Variants in VAPB observed in about 807,000 individuals in gnomAD.
VAPB encodes the protein vesicle-associated membrane protein-associated protein B/C.
A neutral mutation model predicts 25.6 loss-of-function variants in VAPB; 7 were observed. The ratio of observed to expected loss-of-function variants is 0.27; its 90% CI spans 0.16 to 0.51. VAPB has a LOEUF of 0.51. Ranked by LOEUF, VAPB falls within the 20% of genes least tolerant of loss-of-function variation. The pLI is 0.97. For missense variants in VAPB, 266 were observed against 301.3 expected, an observed-to-expected ratio of 0.88 and a Z score of 0.87; for synonymous variants, 112 against 109.2, an observed-to-expected ratio of 1.03 and a Z score of -0.16.
chr20:58,424,350 A>G (rs1177408843), intron 2 of VAPB, among the ~76,000 whole-genome samples: 2 of 152,062 alleles, frequency 1.3e-5, no homozygotes, highest in African/African-American at 4.8e-5. Flanking sequence ...AAAGCGGCCC[A>G]TGTGACAGTG....
At chr20:58,418,393 T>C (rs1568709340) in intron 2 of VAPB, 30 bp downstream of exon 2, 3 of 1,612,624 alleles carry the variant, frequency 1.9e-6, no homozygotes, top group Non-Finnish European at 2.5e-6. Flanking sequence ...GCCTAGAGGG[T>C]GGGCTCAGAA....
chr20:58,393,143 C>G (rs1458465345), intron 1 of VAPB, among the ~76,000 whole-genome samples: 2 of 152,166 alleles, frequency 1.3e-5, no homozygotes, highest in Non-Finnish European at 2.9e-5. Flanking sequence ...AAGAGATCCT[C>G]CTGCTTTAGG....
intron 1 of VAPB, among the ~76,000 whole-genome samples, chr20:58,405,785 CTG>C (rs1988215139): frequency 9.1e-6 from 1 of 109,754 alleles, no homozygotes; most frequent in Non-Finnish European, 1.7e-5. Flanking sequence ...GAGACTGGCT[CTG>C]TTGCCCAGGC....
At chr20:58,399,656 G>T (rs936861074) in intron 1 of VAPB, among the ~76,000 whole-genome samples, 3 of 150,592 alleles carry the variant, frequency 2.0e-5, no homozygotes, top group African/African-American at 7.3e-5. Context: ...GGCAGAGGTT[G>T]CAGCTAGCTG....
In VAPB at chr20:58,434,740, CAAT is replaced by C. The variant is rs775511324; in HGVS notation, c.315+39_315+41del. ...GAATGCTTCTTATTTTTTTCAGTAA[CAAT>C]AATTTAAAAAACCAATTAGATATGG... is the stretch of plus-strand genomic sequence containing the variant. On this transcript the variant is annotated intron_variant, in intron 3 of 5. Coordinates refer to ENST00000475243, the MANE Select transcript of VAPB (RefSeq NM_004738.5). 17 of 1,043,926 alleles carry C rather than the reference CAAT, an allele frequency of 1.6e-5. No individual in the cohort carries two copies. In the South Asian group the frequency reaches 2.1e-4, roughly 13 times the overall value. The allele number at this position is 1,043,926 out of a possible 1,614,324, so 64.7% of individuals were successfully genotyped here.
At chr20:58,432,605 C>A (rs373894720) in intron 2 of VAPB, among the ~76,000 whole-genome samples, 3 of 152,288 alleles carry the variant, frequency 2.0e-5, no homozygotes, top group East Asian at 3.9e-4. Flanking sequence ...ACAGTGAATC[C>A]CAGCTCCAAA....
intron 2 of VAPB, among the ~76,000 whole-genome samples, chr20:58,422,831 C>A (rs1988696788): frequency 2.0e-5 from 3 of 152,122 alleles, no homozygotes; most frequent in African/African-American, 7.2e-5. Flanking sequence ...TTCAGTTATG[C>A]ACATTGGTTG....
chr20:58,447,527 A>G lies in VAPB; in HGVS notation c.*3292A>G, dbSNP rs1989322687. 2.2e-6 allele frequency: 1 copy of G among 454,030 alleles called. No individual in the cohort carries two copies. The highest frequency in any genetic ancestry group is 4.4e-6 in the Non-Finnish European group (1 of 226,800). The allele number at this position is 454,030 out of a possible 1,614,324, so 28.1% of individuals were successfully genotyped here. A position where few individuals can be genotyped will look rare whatever the true frequency, so the allele number is the denominator to read the frequency against. ...ACCTAAACGCTTTCAAACAAATCCCAGGAACAGAATTGCTATCGAAAGATA... is the reference window on the plus strand; with the variant it reads ...ACCTAAACGCTTTCAAACAAATCCCGGGAACAGAATTGCTATCGAAAGATA... On this transcript the variant is annotated 3_prime_UTR_variant, in exon 6 of 6. Coordinates refer to ENST00000475243, the MANE Select transcript of VAPB (RefSeq NM_004738.5).
At chr20:58,389,618 C>T in intron 1 of VAPB, 101 bp downstream of exon 1, 1 of 1,296,494 alleles carries the variant, frequency 7.7e-7, no homozygotes, top group Non-Finnish European at 1.0e-6. Flanking sequence ...CGTCCCCACC[C>T]CGACGGCGCT....
At chr20:58,433,061 T>G (rs1988961992) in intron 2 of VAPB, among the ~76,000 whole-genome samples, 1 of 152,236 alleles carries the variant, frequency 6.6e-6, no homozygotes, top group African/African-American at 2.4e-5. Context: ...GGACTTTCTC[T>G]GTTCCCATGG....
chr20:58,449,221 A>G lies in VAPB; in HGVS notation c.*4986A>G, dbSNP rs765462425. 1 of 454,014 alleles carries G rather than the reference A, an allele frequency of 2.2e-6. No individual in the cohort carries two copies. The highest frequency in any genetic ancestry group is 4.4e-6 in the Non-Finnish European group (1 of 226,802). 28.1% of individuals were successfully genotyped at this position (454,014 alleles called of 1,614,324 possible). A position where few individuals can be genotyped will look rare whatever the true frequency, so the allele number is the denominator to read the frequency against. On this transcript the variant is annotated 3_prime_UTR_variant, in exon 6 of 6. Coordinates refer to ENST00000475243, the MANE Select transcript of VAPB (RefSeq NM_004738.5). Reference sequence around the variant, plus strand: ...CAGCCTAGAACATTAGCTGAGCTGCACAAGCTCACCCACCCCTGTGCCAGG... The same window carrying G: ...CAGCCTAGAACATTAGCTGAGCTGCGCAAGCTCACCCACCCCTGTGCCAGG...
intron 1 of VAPB, among the ~76,000 whole-genome samples, chr20:58,414,267 G>T (rs1457072976): frequency 1.4e-5 from 2 of 144,668 alleles, no homozygotes; most frequent in African/African-American, 5.1e-5. Flanking sequence ...CTGGCGGGGC[G>T]TGGGGCTGAC....
Position 58,389,235 on chromosome 20 carries a change from C to T in VAPB, c.-225C>T, listed in dbSNP as rs1473897122. On this transcript the variant is annotated 5_prime_UTR_variant, in exon 1 of 6. Coordinates refer to ENST00000475243, the MANE Select transcript of VAPB (RefSeq NM_004738.5). Reference sequence around the variant, plus strand: ...CGTGCGTGCGTGCGTGCGTGCGTGCCGTCAGCTCGCCGGGCACCGCGGCCT... The same window carrying T: ...CGTGCGTGCGTGCGTGCGTGCGTGCTGTCAGCTCGCCGGGCACCGCGGCCT... 1 of 645,846 alleles carries T rather than the reference C, an allele frequency of 1.5e-6. No individual in the cohort carries two copies. Among genetic ancestry groups the T allele is most frequent in the Non-Finnish European group, 2.8e-6 (1 of 352,790 alleles). The allele number at this position is 645,846 out of a possible 1,614,324, so 40.0% of individuals were successfully genotyped here. A position where few individuals can be genotyped will look rare whatever the true frequency, so the allele number is the denominator to read the frequency against.
rs995349952 is a variant in VAPB, at chr20:58,447,472, A to G, written c.*3237A>G. 2.2e-6 allele frequency: 1 copy of G among 453,992 alleles called. No individual in the cohort carries two copies. Among genetic ancestry groups the G allele is most frequent in the African/African-American group, 2.0e-5 (1 of 49,984 alleles). The allele number at this position is 453,992 out of a possible 1,614,324, so 28.1% of individuals were successfully genotyped here. On this transcript the variant is annotated 3_prime_UTR_variant, in exon 6 of 6. Coordinates refer to ENST00000475243, the MANE Select transcript of VAPB (RefSeq NM_004738.5). Reference sequence around the variant, plus strand: ...ATACCTCCATAACACAGAAGGGGGAAAAATGAAGAACCTCCAGTGATCCGT... The same window carrying G: ...ATACCTCCATAACACAGAAGGGGGAGAAATGAAGAACCTCCAGTGATCCGT...
At chr20:58,430,489 G>GCCT (rs972703149) in intron 2 of VAPB, among the ~76,000 whole-genome samples, 4 of 152,062 alleles carry the variant, frequency 2.6e-5, no homozygotes, top group African/African-American at 9.7e-5. Context: ...CAGACTCCTG[G>GCCT]CCTCAGGTGA....
At chr20:58,404,584 A>T (rs1304995760) in intron 1 of VAPB, among the ~76,000 whole-genome samples, 1 of 152,176 alleles carries the variant, frequency 6.6e-6, no homozygotes, top group Non-Finnish European at 1.5e-5. Flanking sequence ...TTGCCATCTG[A>T]AAGTCATGTG....
chr20:58,446,725 C>CT lies in VAPB; in HGVS notation c.*2491dup, dbSNP rs1989301919. Reference sequence around the variant, plus strand: ...GTGAACATGTTTGTGGGCCTTTTGACTGAGTGGCAGAAGGAAACTGCTCAG... The same window carrying CT: ...GTGAACATGTTTGTGGGCCTTTTGACTTGAGTGGCAGAAGGAAACTGCTCAG... On this transcript the variant is annotated 3_prime_UTR_variant, in exon 6 of 6. Transcript: ENST00000475243. The CT allele has an allele frequency of 2.2e-6, 1 of 453,890 alleles. No individual in the cohort carries two copies. The highest frequency in any genetic ancestry group is 2.4e-5 in the Admixed American group (1 of 42,540). The allele number at this position is 453,890 out of a possible 1,614,324, so 28.1% of individuals were successfully genotyped here.
In VAPB at chr20:58,441,087, A is replaced by G; in HGVS notation, c.573+4A>G. On this transcript the variant is annotated splice_donor_region_variant and intron_variant, in intron 5 of 5. Coordinates refer to ENST00000475243, the MANE Select transcript of VAPB (RefSeq NM_004738.5). ...GGAGGAGAACAAGCAGTTCAAGGTA[A>G]TAGTTTATTTTCTGGTAATCTACAG... 6.2e-7 allele frequency: 1 copy of G among 1,613,680 alleles called. No individual in the cohort carries two copies.
intron 1 of VAPB, among the ~76,000 whole-genome samples, chr20:58,404,076 TTCTGTC>T (rs755573101): frequency 4.6e-5 from 7 of 152,204 alleles, no homozygotes; most frequent in Non-Finnish European, 1.0e-4. Flanking sequence ...TGACTCAACT[TTCTGTC>T]TCTATTTTTT....
Sources: gnomAD v4.1 joint callset for allele counts (sites outside exome capture counted in the v4.1 genomes callset) on GRCh38, gnomAD v4.1.1 for gene constraint, MANE v1.5 for transcripts, NCBI Gene and HGNC (gene_info 2026-07-23, HGNC 2026-07-21) for gene names.